CAPN1: variants seen among roughly 807,000 people sequenced by gnomAD.
The protein encoded by CAPN1 is calpain 1, also known as calpain-1 catalytic subunit.
A neutral mutation model predicts 105.2 loss-of-function variants in CAPN1; 77 were observed. The ratio of observed to expected loss-of-function variants is 0.73; its 90% CI spans 0.61 to 0.88. The LOEUF is 0.88. CAPN1 is among the 40% of genes least tolerant of loss of function. The pLI is 0.00. For synonymous variants in CAPN1, 355 were observed against 388.8 expected (o/e 0.91, Z 1.02); for missense variants, 833 against 976.6 (o/e 0.85, Z 1.96).
In CAPN1 at chr11:65,200,099, G is replaced by T. The variant is rs369253731; in HGVS notation, c.1166-4584G>T. On this transcript the variant is annotated intron_variant, in intron 10 of 21. Coordinates refer to ENST00000279247, the MANE Select transcript of CAPN1 (RefSeq NM_005186.4). ...TTGAGACACAGTCTTGCTCCGGCTG[G>T]AGTGCAATGGCATAACCTCAGCTCA... Among the ~76,000 whole-genome samples, 26 of 152,236 alleles carry T rather than the reference G, an allele frequency of 1.7e-4. 1 individual carries two copies. Among genetic ancestry groups the T allele is most frequent in the African/African-American group, 5.8e-4 (24 of 41,516 alleles).
At chr11:65,186,916 G>A (rs567568722) in intron 6 of CAPN1, among the ~76,000 whole-genome samples, 2 of 152,322 alleles carry the variant, frequency 1.3e-5, no homozygotes, top group East Asian at 1.9e-4. Context: ...GCACGGCTGT[G>A]TGTGTGCACA....
At chr11:65,201,278 G>A (rs1040037572) in intron 10 of CAPN1, among the ~76,000 whole-genome samples, 3 of 151,432 alleles carry the variant, frequency 2.0e-5, no homozygotes, top group Non-Finnish European at 4.4e-5. Context: ...GTAGTGATGG[G>A]GTCTCCCTAT....
chr11:65,206,277 AC>A (rs759240558), intron 12 of CAPN1, 185 bp from the exon 13 acceptor site: 21 of 603,850 alleles, frequency 3.5e-5, no homozygotes, highest in Admixed American at 5.8e-5. Context: ...TAGGGTTGTT[AC>A]ATTTTACAGA....
chr11:65,202,434 ATTTATTTG>A (rs1486064674), intron 10 of CAPN1, among the ~76,000 whole-genome samples: 1 of 151,960 alleles, frequency 6.6e-6, no homozygotes, highest in Non-Finnish European at 1.5e-5. Flanking sequence ...TTATTTATTT[ATTTATTTG>A]TTTGTTTGTT....
At chr11:65,195,244 A>G (rs769562347) in intron 10 of CAPN1, among the ~76,000 whole-genome samples, 2 of 150,988 alleles carry the variant, frequency 1.3e-5, no homozygotes, top group Non-Finnish European at 2.9e-5. Flanking sequence ...CTTAGTCCCT[A>G]GCTGGGACTA....
chr11:65,200,202 A>G lies in CAPN1; in HGVS notation c.1166-4481A>G, dbSNP rs547259467. Among the ~76,000 whole-genome samples, 402 of 152,024 alleles carry G rather than the reference A, an allele frequency of 2.6e-3. 3 individuals carry two copies. Among genetic ancestry groups the G allele is most frequent in the Non-Finnish European group, 4.9e-3 (336 of 67,974 alleles). On this transcript the variant is annotated intron_variant, in intron 10 of 21. Transcript: ENST00000279247. ...GTAGCTGGGACTACAGGCACACACCACCATGCCCAGCTAATTTTTGTAGAG... is the reference window on the plus strand; with the variant it reads ...GTAGCTGGGACTACAGGCACACACCGCCATGCCCAGCTAATTTTTGTAGAG...
intron 11 of CAPN1, 58 bp downstream of exon 11, chr11:65,204,916 C>T (rs1948931746): frequency 1.3e-6 from 2 of 1,482,574 alleles, no homozygotes; most frequent in Non-Finnish European, 9.3e-7. Flanking sequence ...CTGGCGCCCC[C>T]GACCCGCAGT....
Position 65,209,081 on chromosome 11 carries a change from G to C in CAPN1, c.1730-242G>C. The C allele has an allele frequency of 1.7e-6, 1 of 572,790 alleles. No homozygotes were observed. The highest frequency in any genetic ancestry group is 2.0e-5 in the South Asian group (1 of 49,442). The allele number at this position is 572,790 out of a possible 1,614,324, so 35.5% of individuals were successfully genotyped here. On this transcript the variant is annotated intron_variant, in intron 16 of 21. Coordinates refer to ENST00000279247, the MANE Select transcript of CAPN1 (RefSeq NM_005186.4). The surrounding 1 kb of genome is among the most constrained non-coding windows in gnomAD (Gnocchi z 4.1). ...TTTCTACCCAATTTCTCGCTCTTCT[G>C]TTTCACACTCATTTCTTTTTACTTT...
Position 65,210,940 on chromosome 11 carries a change from T to G in CAPN1, c.2118+68T>G. ...CGATCGAATTTTCTTATCTGGCCAG[T>G]GTTCCCTGTCCTTTCCTGGAAATGA... On this transcript the variant is annotated intron_variant, in intron 21 of 21. Coordinates refer to ENST00000279247, the MANE Select transcript of CAPN1 (RefSeq NM_005186.4). The surrounding 1 kb of genome is among the most constrained non-coding windows in gnomAD (Gnocchi z 4.3). 2.1e-5 allele frequency: 27 copies of G among 1,269,590 alleles called. No homozygotes were observed. The highest frequency in any genetic ancestry group is 2.9e-5 in the Non-Finnish European group (25 of 867,028). 78.6% of individuals were successfully genotyped at this position (1,269,590 alleles called of 1,614,324 possible).
chr11:65,185,222 C>T (rs1948614948), intron 4 of CAPN1, among the ~76,000 whole-genome samples: 1 of 151,872 alleles, frequency 6.6e-6, no homozygotes, highest in South Asian at 2.1e-4. Flanking sequence ...AGCCTATATA[C>T]CATCCTGAGG....
chr11:65,204,714 C>G lies in CAPN1; in HGVS notation c.1197C>G (p.Ile399Met). Reference protein sequence around the residue: ...ATFWVNPQFKIRLDETDDPDD... With the variant: ...ATFWVNPQFKMRLDETDDPDD... ...TCTGGGTGAACCCTCAGTTCAAGATCCGGCTGGATGAGACGGATGACCCGG... is the reference window on the plus strand; with the variant it reads ...TCTGGGTGAACCCTCAGTTCAAGATGCGGCTGGATGAGACGGATGACCCGG... Residue 399 changes from isoleucine (I) to methionine (M), a missense_variant, in exon 11 of 22, where the codon ATC becomes ATG. Physicochemically the swap from Ile to Met is conservative, Grantham distance 10. Transcript: ENST00000279247. 1 of 1,612,910 alleles carries G rather than the reference C, an allele frequency of 6.2e-7. No individual in the cohort carries two copies. Among genetic ancestry groups the G allele is most frequent in the South Asian group, 1.1e-5 (1 of 91,088 alleles).
chr11:65,210,442 G>T lies in CAPN1; in HGVS notation c.2049G>T (p.Glu683Asp). The T allele has an allele frequency of 6.2e-7, 1 of 1,608,796 alleles. No individual in the cohort carries two copies. Among genetic ancestry groups the T allele is most frequent in the South Asian group, 1.1e-5 (1 of 90,532 alleles). The change falls in exon 20 of 22, where the codon GAG (glutamate) becomes GAT (aspartate). Residue 683 changes from glutamate (E) to aspartate (D), a missense_variant. Glu to Asp is a conservative substitution (Grantham distance 45). Coordinates refer to ENST00000279247, the MANE Select transcript of CAPN1 (RefSeq NM_005186.4). The surrounding 1 kb of genome is among the most constrained non-coding windows in gnomAD (Gnocchi z 4.3). ...DNFVCCLVRL[E>D]TMFRFFKTLD... ...TCGTTTGCTGCCTGGTGCGGCTAGA[G>T]ACCATGTTCCGTGAGTGTCCCCAAC...
At chr11:65,191,803 G>A (rs1948721978) in intron 10 of CAPN1, among the ~76,000 whole-genome samples, 1 of 152,074 alleles carries the variant, frequency 6.6e-6, no homozygotes, top group Non-Finnish European at 1.5e-5. Flanking sequence ...AGAGCTTCCT[G>A]CTCTTGTTCC....
chr11:65,206,094 G>A (rs761326709), intron 12 of CAPN1: 28 of 505,582 alleles, frequency 5.5e-5, no homozygotes, highest in Middle Eastern at 5.4e-4. Context: ...CTTAAGCTCC[G>A]AGCCTGTGTT....
At chr11:65,187,468 G>C (rs1370286074) in intron 7 of CAPN1, 170 bp downstream of exon 7, 1 of 607,936 alleles carries the variant, frequency 1.6e-6, no homozygotes, top group African/African-American at 1.8e-5. Context: ...ATCATGTCCT[G>C]CCCTGACTGA....
At chr11:65,187,480 T>C (rs1473700490) in intron 7 of CAPN1, 182 bp downstream of exon 7, 3 of 601,708 alleles carry the variant, frequency 5.0e-6, no homozygotes. Flanking sequence ...CCTGACTGAC[T>C]GTAGTTCATG....
Position 65,209,806 on chromosome 11 carries a change from G to T in CAPN1, c.1795-43G>T. 6.3e-7 allele frequency: 1 copy of T among 1,596,810 alleles called. No individual in the cohort carries two copies. The highest frequency in any genetic ancestry group is 1.1e-5 in the South Asian group (1 of 89,752). Reference sequence around the variant, plus strand: ...TCTGCACAGTTGCCCACTCTCCCATGACTGGTCTAAGTGATGGAATTTCCT... The same window carrying T: ...TCTGCACAGTTGCCCACTCTCCCATTACTGGTCTAAGTGATGGAATTTCCT... On this transcript the variant is annotated intron_variant, in intron 17 of 21. Transcript: ENST00000279247. The surrounding 1 kb of genome is among the most constrained non-coding windows in gnomAD (Gnocchi z 4.1).
chr11:65,183,111 C>G lies in CAPN1; in HGVS notation c.268-17C>G. 1 of 1,613,672 alleles carries G rather than the reference C, an allele frequency of 6.2e-7. No homozygotes were observed. ...GGGAGGGGCTGGCCGAGGAACAGGACTCTGGGTCTCTCGTAGGAACTGCTG... is the reference window on the plus strand; with the variant it reads ...GGGAGGGGCTGGCCGAGGAACAGGAGTCTGGGTCTCTCGTAGGAACTGCTG... On this transcript the variant is annotated splice_polypyrimidine_tract_variant and intron_variant, in intron 2 of 21. Coordinates refer to ENST00000279247, the MANE Select transcript of CAPN1 (RefSeq NM_005186.4).
At position 65,204,690 on chromosome 11, in the gene CAPN1, C is replaced by A; in HGVS notation, c.1173C>A (p.Phe391Leu). ...CTCCTCACCTGCCCGCAGCCACCTT[C>A]TGGGTGAACCCTCAGTTCAAGATCC... is the stretch of plus-strand genomic sequence containing the variant. Reference protein sequence around the residue: ...AGGCRNYPATFWVNPQFKIRL... With the variant: ...AGGCRNYPATLWVNPQFKIRL... The change falls in exon 11 of 22, where the codon TTC (phenylalanine) becomes TTA (leucine). Residue 391 changes from phenylalanine to leucine, a missense_variant. Physicochemically the swap from Phe to Leu is conservative, Grantham distance 22. Transcript: ENST00000279247. 6.2e-7 allele frequency: 1 copy of A among 1,611,364 alleles called. No individual in the cohort carries two copies. The highest frequency in any genetic ancestry group is 8.5e-7 in the Non-Finnish European group (1 of 1,178,374).
Sources: allele counts gnomAD v4.1 joint callset (sites outside exome capture counted in the v4.1 genomes callset), GRCh38; gene constraint gnomAD v4.1.1; non-coding constraint Gnocchi (gnomAD v3.1); transcripts MANE v1.5; gene names NCBI Gene and HGNC (gene_info 2026-07-23, HGNC 2026-07-21).